The following PLD1 variants were observed in gnomAD, a reference collection of about 807,000 sequenced individuals.
The protein encoded by PLD1 is phospholipase D1, also known as choline phosphatase 1.
Under a neutral mutation model 137.1 loss-of-function variants are expected in PLD1, and 112 were observed. The observed-to-expected ratio is 0.82, with a 90% CI of 0.70 to 0.96. PLD1 has a LOEUF of 0.96. Among genes scored for constraint, PLD1 ranks in the 40% least tolerant of loss-of-function variants. The pLI is 0.00. For synonymous variants in PLD1, 431 were observed against 454.7 expected, an observed-to-expected ratio of 0.95 and a Z score of 0.66; for missense variants, 1,321 against 1,342.0, an observed-to-expected ratio of 0.98 and a Z score of 0.24.
At chr3:171,786,674 T>A (rs1479013147) in intron 1 of PLD1, among the ~76,000 whole-genome samples, 3 of 152,214 alleles carry the variant, frequency 2.0e-5, no homozygotes, top group African/African-American at 7.2e-5. Flanking sequence ...ACCATAAAAT[T>A]TGTAATTTAA....
At chr3:171,704,554 G>A (rs1055344388) in intron 11 of PLD1, among the ~76,000 whole-genome samples, 2 of 150,680 alleles carry the variant, frequency 1.3e-5, no homozygotes, top group African/African-American at 2.4e-5. Context: ...TCTACTTAAG[G>A]CTATGTCAGA....
chr3:171,699,895 G>A, intron 11 of PLD1, 69 bp from the exon 12 acceptor site: 2 of 1,277,612 alleles, frequency 1.6e-6, no homozygotes, highest in South Asian at 2.4e-5. Context: ...GTCATAGGAA[G>A]CAAAGGCAAT....
At chr3:171,805,923 C>T (rs774721762) in intron 1 of PLD1, among the ~76,000 whole-genome samples, 1 of 152,164 alleles carries the variant, frequency 6.6e-6, no homozygotes, top group Non-Finnish European at 1.5e-5. Flanking sequence ...GCCTGTGAAT[C>T]CCAGCACGTT....
intron 25 of PLD1, among the ~76,000 whole-genome samples, chr3:171,610,165 A>C (rs1732539546): frequency 6.6e-6 from 1 of 152,214 alleles, no homozygotes; most frequent in South Asian, 2.1e-4. Context: ...AAGGTGAACA[A>C]GAAGGTATCT....
intron 19 of PLD1, among the ~76,000 whole-genome samples, chr3:171,665,122 T>C (rs1711978617): frequency 6.6e-6 from 1 of 152,212 alleles, no homozygotes. Flanking sequence ...TAAGATTCAA[T>C]AAATTCATTC....
intron 1 of PLD1, chr3:171,789,779 T>C (rs1047169007): frequency 2.0e-5 from 3 of 152,204 alleles, no homozygotes; most frequent in African/African-American, 7.2e-5. Flanking sequence ...TAGCCGATAA[T>C]GGTAGCATCA....
At chr3:171,710,587 G>A (rs1717115203) in intron 9 of PLD1, among the ~76,000 whole-genome samples, 1 of 152,130 alleles carries the variant, frequency 6.6e-6, no homozygotes, top group Non-Finnish European at 1.5e-5. Context: ...ATGCTCCCTC[G>A]CCCACTGCTC....
At chr3:171,737,431 T>A (rs1003499989) in intron 3 of PLD1, 101 bp downstream of exon 3, 20 of 1,065,512 alleles carry the variant, frequency 1.9e-5, no homozygotes, top group Non-Finnish European at 2.6e-5. Flanking sequence ...AACAAAAACC[T>A]ACAAACATGA....
intron 1 of PLD1, among the ~76,000 whole-genome samples, chr3:171,764,895 G>A (rs1401261305): frequency 4.6e-5 from 1 of 21,920 alleles, no homozygotes; most frequent in African/African-American, 1.9e-4. Context: ...AAGAAAGAAA[G>A]GAAGGAAGGA....
chr3:171,656,156 T>TTTTA (rs142427730), intron 21 of PLD1, among the ~76,000 whole-genome samples: 7,302 of 145,376 alleles, frequency 0.05, 332 homozygotes, highest in African/African-American at 0.12. Flanking sequence ...AATACTATAA[T>TTTTA]TTTATTTATT....
chr3:171,668,839 TTATAA>T (rs1047349688), intron 19 of PLD1, among the ~76,000 whole-genome samples: 4 of 152,222 alleles, frequency 2.6e-5, no homozygotes, highest in African/African-American at 9.6e-5. Context: ...TCCTCTGTCT[TTATAA>T]TATATCTTAA....
intron 1 of PLD1, among the ~76,000 whole-genome samples, chr3:171,759,667 T>C (rs576489579): frequency 1.3e-5 from 2 of 152,362 alleles, no homozygotes; most frequent in South Asian, 4.1e-4. Flanking sequence ...ATTTTACACG[T>C]TTGTGTATGT....
At position 171,709,658 on chromosome 3, in the gene PLD1, C is replaced by T; in HGVS notation, c.963G>A (p.Gly321=). The change falls in exon 10 of 27, where the codon GGG becomes GGA. Residue 321 remains glycine (G), a synonymous_variant. Coordinates refer to ENST00000351298, the MANE Select transcript of PLD1 (RefSeq NM_002662.5). ...NSYRHARWWG[G]AIEEFIQKHG... Reference sequence around the variant, plus strand: ...GTTTCTGGATGAATTCTTCTATAGCCCCTCCCCACCACCGAGCATGTCTAT... The same window carrying T: ...GTTTCTGGATGAATTCTTCTATAGCTCCTCCCCACCACCGAGCATGTCTAT... The T allele has an allele frequency of 1.9e-6, 3 of 1,613,806 alleles. No individual in the cohort carries two copies. The highest frequency in any genetic ancestry group is 2.5e-6 in the Non-Finnish European group (3 of 1,179,846).
rs190298945 is a variant in PLD1 at position 171,696,901 on chromosome 3, A to G, written c.1227+2844T>C. On this transcript the variant is annotated intron_variant, in intron 12 of 26. Coordinates refer to ENST00000351298, the MANE Select transcript of PLD1 (RefSeq NM_002662.5). ...CAAGAAGTGGATGAAATGGAAATGA[A>G]GCACTGTTATCAGGCAATAACGTTT... Among the ~76,000 whole-genome samples the G allele has an allele frequency of 1.5e-4, 23 of 152,376 alleles. No homozygotes were observed. The East Asian group carries it at 3.7e-3, about 24-fold the overall frequency.
intron 18 of PLD1, among the ~76,000 whole-genome samples, chr3:171,676,406 C>T (rs1194266687): frequency 1.3e-5 from 2 of 152,112 alleles, no homozygotes; most frequent in African/African-American, 4.8e-5. Context: ...CAAATGACTA[C>T]CGAGCCCAGG....
intron 16 of PLD1, among the ~76,000 whole-genome samples, chr3:171,683,888 A>G (rs1483648000): frequency 1.3e-5 from 2 of 152,136 alleles, no homozygotes; most frequent in African/African-American, 4.8e-5. Context: ...TGTATCCCCA[A>G]CTACAGTTGT....
In PLD1 at chr3:171,652,838, C is replaced by T. The variant is rs370419607; in HGVS notation, c.2429+6375G>A. ...CTATGTTGCACAGACTGGTCTTGAA[C>T]TCCTGAACTCAAGTGATCTTCCTGC... On this transcript the variant is annotated intron_variant, in intron 21 of 26. Transcript: ENST00000351298. Among the ~76,000 whole-genome samples the T allele has an allele frequency of 1.5e-3, 189 of 130,160 alleles. 3 individuals carry two copies. In the South Asian group the frequency reaches 0.023, roughly 16 times the overall value. The allele number at this position is 130,160 out of a possible 152,430, so 85.4% of individuals were successfully genotyped here.
In PLD1 at chr3:171,709,555, C is replaced by A. The variant is rs1388953627; in HGVS notation, c.1061+5G>T. On this transcript the variant is annotated splice_donor_5th_base_variant and intron_variant, in intron 10 of 26. Coordinates refer to ENST00000351298, the MANE Select transcript of PLD1 (RefSeq NM_002662.5). ...CTTGACAGGCTTAGAGAAATAATAA[C>A]TTACCATTTAGCTAAAGCATTCTCT... is the stretch of plus-strand genomic sequence containing the variant. 3 of 1,612,988 alleles carry A rather than the reference C, an allele frequency of 1.9e-6. No individual in the cohort carries two copies. The African/African-American group carries it at 4.0e-5, about 22-fold the overall frequency.
chr3:171,647,072 C>T (rs1736291584), intron 21 of PLD1, among the ~76,000 whole-genome samples: 1 of 152,224 alleles, frequency 6.6e-6, no homozygotes, highest in South Asian at 2.1e-4. Context: ...ACTCTTTCTG[C>T]TTTACACGAT....
Sources: allele counts gnomAD v4.1 joint callset (sites outside exome capture counted in the v4.1 genomes callset), GRCh38; gene constraint gnomAD v4.1.1; transcripts MANE v1.5; gene names NCBI Gene and HGNC (gene_info 2026-07-23, HGNC 2026-07-21).